RANBP2: variants seen among roughly 807,000 people sequenced by gnomAD.
The protein encoded by RANBP2 is RAN binding protein 2.
Under a neutral mutation model 303.6 loss-of-function variants are expected in RANBP2, and 57 were observed. The observed-to-expected ratio is 0.19, with a 90% CI of 0.15 to 0.23. The LOEUF (loss-of-function observed/expected upper bound fraction) is 0.23. Ranked by LOEUF, RANBP2 falls within the 10% of genes least tolerant of loss-of-function variation. RANBP2 has a pLI of 1.00. For synonymous variants in RANBP2, 1,167 were observed against 1,301.5 expected, an observed-to-expected ratio of 0.90 and a Z score of 2.23; for missense variants, 3,138 against 3,780.8, an observed-to-expected ratio of 0.83 and a Z score of 4.46.
chr2:109,344,772 G>T, the RANBP2 span, among the ~76,000 whole-genome samples: 4 of 152,184 alleles, frequency 2.6e-5, no homozygotes, highest in Non-Finnish European at 5.9e-5. Flanking sequence ...ATGACTGAAG[G>T]TCCTTGCCGA....
the RANBP2 span, among the ~76,000 whole-genome samples, chr2:109,185,701 C>T: frequency 1.2e-3 from 184 of 152,236 alleles, no homozygotes; most frequent in African/African-American, 4.1e-3. Context: ...GTGGAAAAGA[C>T]GATTTCTGGA....
chr2:109,078,295 T>C, the RANBP2 span, among the ~76,000 whole-genome samples: 3 of 127,424 alleles, frequency 2.4e-5, 1 homozygote, highest in East Asian at 2.3e-4. Flanking sequence ...TATATATATA[T>C]ATATAGCGTG....
At chr2:108,897,337 T>A in the RANBP2 span, 53 of 1,105,296 alleles carry the variant, frequency 4.8e-5, no homozygotes, top group Admixed American at 6.5e-5. Flanking sequence ...AAAATTTTTT[T>A]AAAATTATAA....
the RANBP2 span, among the ~76,000 whole-genome samples, chr2:109,258,819 AC>A: frequency 2.0e-5 from 3 of 152,174 alleles, no homozygotes; most frequent in African/African-American, 7.2e-5. Context: ...TCAGAGCAGG[AC>A]CCATCCAGGG....
chr2:109,157,115 T>C, the RANBP2 span, among the ~76,000 whole-genome samples: 1 of 152,138 alleles, frequency 6.6e-6, no homozygotes, highest in Non-Finnish European at 1.5e-5. Flanking sequence ...CACAGGACCT[T>C]CTTAGGTTTT....
the RANBP2 span, among the ~76,000 whole-genome samples, chr2:109,258,248 G>A: frequency 6.6e-6 from 1 of 152,208 alleles, no homozygotes; most frequent in Non-Finnish European, 1.5e-5. Flanking sequence ...GGCGCTGTTT[G>A]TAGGGGCTGA....
the RANBP2 span, among the ~76,000 whole-genome samples, chr2:109,312,439 G>A: frequency 1.1e-3 from 171 of 151,988 alleles, no homozygotes; most frequent in Non-Finnish European, 1.8e-3. Flanking sequence ...ATGATGTTTC[G>A]ACCGTCAGCA....
chr2:108,790,041 T>C (rs978612135), downstream of RANBP2, among the ~76,000 whole-genome samples: 9 of 152,226 alleles, frequency 5.9e-5, no homozygotes, highest in African/African-American at 2.2e-4. Flanking sequence ...ATTTGGGAGC[T>C]TGACTTTTTT....
At chr2:109,391,141 A>G in the RANBP2 span, among the ~76,000 whole-genome samples, 2 of 152,078 alleles carry the variant, frequency 1.3e-5, no homozygotes, top group Non-Finnish European at 2.9e-5. Context: ...TTAAATGTCA[A>G]CTCTTCCAAA....
At chr2:108,772,619 C>T (rs912623750) in intron 22 of RANBP2, 38 bp downstream of exon 22, 2 of 1,551,370 alleles carry the variant, frequency 1.3e-6, no homozygotes, top group Non-Finnish European at 8.9e-7. Context: ...ATGCTTTTAA[C>T]AAGTCTTCTA....
At chr2:109,444,087 A>C in the RANBP2 span, among the ~76,000 whole-genome samples, 2 of 152,232 alleles carry the variant, frequency 1.3e-5, no homozygotes, top group South Asian at 4.1e-4. Context: ...TCATTAATAC[A>C]AATAATAACA....
chr2:109,463,243 G>A, the RANBP2 span, among the ~76,000 whole-genome samples: 82 of 152,310 alleles, frequency 5.4e-4, 3 homozygotes, highest in Admixed American at 4.2e-3. Flanking sequence ...TCTCTTCCAG[G>A]AATATAATGG....
At chr2:109,416,337 G>A in the RANBP2 span, among the ~76,000 whole-genome samples, 3 of 151,998 alleles carry the variant, frequency 2.0e-5, no homozygotes, top group East Asian at 2.0e-4. Context: ...GCTCATGCCT[G>A]TAATCCCAGC....
chr2:109,288,975 C>G, the RANBP2 span, among the ~76,000 whole-genome samples: 2 of 152,166 alleles, frequency 1.3e-5, no homozygotes, highest in African/African-American at 4.8e-5. Context: ...GTGGGCTTAT[C>G]AAGGACATAA....
chr2:109,590,233 T>C, the RANBP2 span, among the ~76,000 whole-genome samples: 4 of 151,870 alleles, frequency 2.6e-5, no homozygotes, highest in Non-Finnish European at 5.9e-5. Flanking sequence ...TTATTGTATA[T>C]GGTTGGCAGA....
chr2:109,236,284 T>C, the RANBP2 span, among the ~76,000 whole-genome samples: 3 of 152,180 alleles, frequency 2.0e-5, no homozygotes, highest in Non-Finnish European at 4.4e-5. Context: ...AAAGTCCAGG[T>C]TGTTTCTGCA....
the RANBP2 span, among the ~76,000 whole-genome samples, chr2:108,931,734 T>G: frequency 1.3e-5 from 2 of 152,170 alleles, no homozygotes; most frequent in Non-Finnish European, 2.9e-5. Context: ...TTTTTCTTTT[T>G]TTTTGCTTGT....
the RANBP2 span, among the ~76,000 whole-genome samples, chr2:108,987,820 C>T: frequency 6.6e-6 from 1 of 152,240 alleles, no homozygotes; most frequent in African/African-American, 2.4e-5. Flanking sequence ...CAGAGTCACT[C>T]TCTTTTTGGT....
chr2:109,381,382 T>G, the RANBP2 span, among the ~76,000 whole-genome samples: 2 of 152,172 alleles, frequency 1.3e-5, no homozygotes, highest in African/African-American at 4.8e-5. Context: ...CGGGGTTACT[T>G]TTACACCTAA....
Sources: allele counts gnomAD v4.1 joint callset (sites outside exome capture counted in the v4.1 genomes callset), GRCh38; gene constraint gnomAD v4.1.1; transcripts MANE v1.5; gene names NCBI Gene and HGNC (gene_info 2026-07-23, HGNC 2026-07-21).